The following GRID2 variants were observed in gnomAD, a reference collection of about 807,000 sequenced individuals.
GRID2 encodes the protein glutamate receptor ionotropic, delta-2.
GRID2 carries 33 observed loss-of-function variants against 114.8 expected under a neutral mutation model. The observed-to-expected ratio is 0.29, with a 90% CI of 0.22 to 0.38. The LOEUF (loss-of-function observed/expected upper bound fraction) is 0.38, where lower values mean the gene tolerates loss of function less well. GRID2 is among the 10% of genes least tolerant of loss of function. The pLI, the probability that GRID2 is intolerant of heterozygous loss-of-function variation, is 1.00. For missense variants in GRID2, 1,184 were observed against 1,257.7 expected (o/e 0.94, Z 0.89); for synonymous variants, 505 against 449.9 (o/e 1.12, Z -1.55).
intron 8 of GRID2, among the ~76,000 whole-genome samples, chr4:93,269,641 T>C (rs1433670): frequency 0.17 from 26,499 of 152,100 alleles, 3,072 homozygotes; most frequent in Non-Finnish European, 0.26. Flanking sequence ...TAAAATCCAT[T>C]GAGGGGATAA....
rs371455489 is a variant in GRID2, at chr4:93,172,419, C to G, written c.736-34985C>G. 1.8e-4 allele frequency among the ~76,000 whole-genome samples: 27 copies of G among 151,998 alleles called. No individual in the cohort carries two copies. The East Asian group carries it at 3.7e-3, about 21-fold the overall frequency. On this transcript the variant is annotated intron_variant, in intron 4 of 15. Coordinates refer to ENST00000282020, the MANE Select transcript of GRID2 (RefSeq NM_001510.4). ...CAGCCTGGCCAACATAGTGAAACTC[C>G]GTGTCTACTAAAGTTACAAAAAATT...
At chr4:93,146,566 T>G (rs1461614902) in intron 4 of GRID2, among the ~76,000 whole-genome samples, 1 of 151,830 alleles carries the variant, frequency 6.6e-6, no homozygotes, top group Admixed American at 6.6e-5. Flanking sequence ...TCTTTCTGGA[T>G]TCTCTGTGTG....
chr4:93,038,524 C>CAGA (rs1333480848), intron 2 of GRID2, among the ~76,000 whole-genome samples: 2 of 152,114 alleles, frequency 1.3e-5, no homozygotes, highest in African/African-American at 4.8e-5. Flanking sequence ...GGTGTGGTGG[C>CAGA]TCACGCCTGT....
intron 4 of GRID2, among the ~76,000 whole-genome samples, chr4:93,128,422 A>G (rs1734499193): frequency 6.6e-6 from 1 of 152,206 alleles, no homozygotes; most frequent in South Asian, 2.1e-4. Context: ...ATTTTGAAAT[A>G]TGGAAATTAT....
intron 6 of GRID2, among the ~76,000 whole-genome samples, chr4:93,223,252 G>A (rs772604475): frequency 1.7e-4 from 26 of 152,152 alleles, no homozygotes; most frequent in South Asian, 1.0e-3. Context: ...AGTGAAAATA[G>A]CCAGTCCTAA....
At chr4:92,433,904 G>A (rs1732599186) in intron 1 of GRID2, among the ~76,000 whole-genome samples, 1 of 152,140 alleles carries the variant, frequency 6.6e-6, no homozygotes, top group Non-Finnish European at 1.5e-5. Flanking sequence ...AAGAGAGCAA[G>A]CAAGAACAGA....
chr4:93,761,142 C>A (rs1343972576), intron 14 of GRID2, among the ~76,000 whole-genome samples: 6 of 152,158 alleles, frequency 3.9e-5, no homozygotes, highest in Admixed American at 3.9e-4. Context: ...AACACATGAT[C>A]ACTCTGTACT....
At chr4:92,369,299 G>A (rs962136607) in intron 1 of GRID2, among the ~76,000 whole-genome samples, 1 of 151,982 alleles carries the variant, frequency 6.6e-6, no homozygotes, top group Non-Finnish European at 1.5e-5. Flanking sequence ...TTAGACTAAT[G>A]GTCCTAACTT....
intron 2 of GRID2, among the ~76,000 whole-genome samples, chr4:92,637,178 A>G (rs1436514894): frequency 6.6e-6 from 1 of 152,002 alleles, no homozygotes; most frequent in Non-Finnish European, 1.5e-5. Context: ...TGACTTAAGA[A>G]GAGGAAGACA....
intron 7 of GRID2, among the ~76,000 whole-genome samples, chr4:93,231,037 G>A (rs564663299): frequency 2.6e-4 from 39 of 152,040 alleles, no homozygotes; most frequent in African/African-American, 9.4e-4. Flanking sequence ...CTGGAAAAAA[G>A]TAGGAGAGGA....
intron 2 of GRID2, among the ~76,000 whole-genome samples, chr4:92,841,834 T>C (rs1056462651): frequency 1.3e-5 from 2 of 152,138 alleles, no homozygotes; most frequent in African/African-American, 4.8e-5. Context: ...CTTTGAGTTC[T>C]CCTCTTGAGG....
intron 2 of GRID2, among the ~76,000 whole-genome samples, chr4:92,711,683 A>G (rs974359696): frequency 6.6e-6 from 1 of 152,182 alleles, no homozygotes; most frequent in Admixed American, 6.5e-5. Context: ...CAGGAGGATC[A>G]CTTGAGCCCA....
intron 1 of GRID2, among the ~76,000 whole-genome samples, chr4:93,797,915 G>A (rs1561007520): frequency 6.6e-6 from 1 of 151,340 alleles, no homozygotes; most frequent in Non-Finnish European, 1.5e-5. Context: ...TACTTTGGGA[G>A]GCCGAGCCAG....
chr4:92,917,396 T>G (rs1748896979), intron 2 of GRID2, among the ~76,000 whole-genome samples: 1 of 152,218 alleles, frequency 6.6e-6, no homozygotes, highest in Non-Finnish European at 1.5e-5. Context: ...TGGCTTTTGT[T>G]GCCATTGCTT....
chr4:93,073,949 C>G (rs1729039783), intron 2 of GRID2, among the ~76,000 whole-genome samples: 1 of 152,186 alleles, frequency 6.6e-6, no homozygotes, highest in African/African-American at 2.4e-5. Context: ...TGCAAAGTAA[C>G]ACACAACAGA....
chr4:93,142,093 G>A (rs1735820741), intron 4 of GRID2, among the ~76,000 whole-genome samples: 1 of 152,068 alleles, frequency 6.6e-6, no homozygotes, highest in Non-Finnish European at 1.5e-5. Context: ...GTGTGCCTGT[G>A]GTCTCAGCCA....
chr4:93,020,862 G>A (rs141050733), intron 2 of GRID2, among the ~76,000 whole-genome samples: 2,137 of 151,890 alleles, frequency 0.014, 18 homozygotes, highest in Non-Finnish European at 0.02. Context: ...GCAAAACCCC[G>A]TCTCTACTAA....
At chr4:92,994,389 G>C (rs1005138400) in intron 2 of GRID2, among the ~76,000 whole-genome samples, 5 of 151,974 alleles carry the variant, frequency 3.3e-5, no homozygotes, top group African/African-American at 9.7e-5. Context: ...TTTTGCTCTT[G>C]TTACCCAGGC....
intron 8 of GRID2, among the ~76,000 whole-genome samples, chr4:93,334,691 G>A (rs1329045855): frequency 6.6e-6 from 1 of 152,282 alleles, no homozygotes; most frequent in African/African-American, 2.4e-5. Flanking sequence ...GGTCTTGGGA[G>A]GCTGAGGCAG....
Sources: gnomAD v4.1 joint callset for allele counts (sites outside exome capture counted in the v4.1 genomes callset) on GRCh38, gnomAD v4.1.1 for gene constraint, MANE v1.5 for transcripts, NCBI Gene and HGNC (gene_info 2026-07-23, HGNC 2026-07-21) for gene names.